The following LRP6 variants were observed in gnomAD, a reference collection of about 807,000 sequenced individuals.
LRP6 encodes the protein low-density lipoprotein receptor-related protein 6.
LRP6 carries 43 observed loss-of-function variants against 184.1 expected under a neutral mutation model. The observed-to-expected ratio is 0.23, with a 90% CI of 0.18 to 0.30. The LOEUF (loss-of-function observed/expected upper bound fraction) is 0.30, where lower values mean the gene tolerates loss of function less well. LRP6 is among the 10% of genes least tolerant of loss of function. The pLI is 1.00. For synonymous variants in LRP6, 719 were observed against 684.9 expected (o/e 1.05, Z -0.78); for missense variants, 1,571 against 2,005.3 (o/e 0.78, Z 4.14).
intron 3 of LRP6, among the ~76,000 whole-genome samples, chr12:12,190,319 G>A (rs949236638): frequency 6.6e-6 from 1 of 152,176 alleles, no homozygotes; most frequent in Non-Finnish European, 1.5e-5. Context: ...CAAGCTGGCA[G>A]GTAAGATCCA....
At chr12:12,253,531 G>C (rs915917600) in intron 1 of LRP6, among the ~76,000 whole-genome samples, 5 of 151,446 alleles carry the variant, frequency 3.3e-5, no homozygotes, top group African/African-American at 7.3e-5. Flanking sequence ...CCCATTAACT[G>C]GTCATTTACA....
chr12:12,250,483 C>CT (rs58190351), intron 1 of LRP6, among the ~76,000 whole-genome samples: 179 of 145,968 alleles, frequency 1.2e-3, no homozygotes, highest in Middle Eastern at 3.5e-3. Context: ...ATGATATTAG[C>CT]TTTTTTTTTT....
chr12:12,258,575 G>T (rs147102139), intron 1 of LRP6, among the ~76,000 whole-genome samples: 2 of 152,282 alleles, frequency 1.3e-5, no homozygotes, highest in African/African-American at 4.8e-5. Context: ...GGTACATGGT[G>T]CATATAAAGG....
At chr12:12,201,475 G>A (rs1394429888) in intron 3 of LRP6, among the ~76,000 whole-genome samples, 2 of 152,150 alleles carry the variant, frequency 1.3e-5, no homozygotes, top group African/African-American at 4.8e-5. Flanking sequence ...GCAAATAGCT[G>A]TGGCTATTTT....
intron 3 of LRP6, among the ~76,000 whole-genome samples, chr12:12,201,316 T>G (rs965757508): frequency 6.6e-6 from 1 of 152,188 alleles, no homozygotes; most frequent in Non-Finnish European, 1.5e-5. Context: ...ATTTCAGTAG[T>G]TCCATTTTGA....
In LRP6 at chr12:12,266,689, A is replaced by G. The variant is rs748677743; in HGVS notation, c.47T>C (p.Leu16Pro). Residue 16 changes from leucine to proline, a missense_variant, in exon 1 of 23, where the codon CTC becomes CCC. Transcript: ENST00000261349. ...GCCCCCACTCTTCCCACCTCTCAGG[A>G]GCACACAGAAGCTGCAGGCCAGGAG... Reference protein sequence around the residue: ...RSLLACSFCVLLRAAPLLLYA... With the variant: ...RSLLACSFCVPLRAAPLLLYA... 1 of 1,612,504 alleles carries G rather than the reference A, an allele frequency of 6.2e-7. No homozygotes were observed. The highest frequency in any genetic ancestry group is 1.1e-5 in the South Asian group (1 of 90,890).
intron 15 of LRP6, among the ~76,000 whole-genome samples, chr12:12,142,811 T>C (rs191318838): frequency 6.6e-6 from 1 of 152,188 alleles, no homozygotes; most frequent in Admixed American, 6.5e-5. Context: ...AGTAAGTAAA[T>C]TCCTTAATTT....
chr12:12,226,955 A>G (rs1302389994), intron 2 of LRP6, among the ~76,000 whole-genome samples: 1 of 152,182 alleles, frequency 6.6e-6, no homozygotes, highest in Admixed American at 6.5e-5. Context: ...ACAAGCGGGA[A>G]AAGGCAAAAC....
intron 1 of LRP6, among the ~76,000 whole-genome samples, chr12:12,253,285 G>C (rs866751753): frequency 6.6e-6 from 1 of 151,888 alleles, no homozygotes; most frequent in Non-Finnish European, 1.5e-5. Flanking sequence ...ATAAAATAAA[G>C]TTAATCATTA....
In LRP6 at chr12:12,120,106, C is replaced by T. The variant is rs1016123325; in HGVS notation, c.*1020G>A. 8.6e-5 allele frequency: 12 copies of T among 139,710 alleles called. No individual in the cohort carries two copies. Among genetic ancestry groups the T allele is most frequent in the African/African-American group, 3.2e-4 (12 of 37,430 alleles). The allele number at this position is 139,710 out of a possible 1,614,324, so 8.7% of individuals were successfully genotyped here. On this transcript the variant is annotated 3_prime_UTR_variant, in exon 23 of 23. Coordinates refer to ENST00000261349, the MANE Select transcript of LRP6 (RefSeq NM_002336.3). ...AAGGATATGAGATTTACAACAAAAACATAATGGTTAAATTTTTAATTCTTA... is the reference window on the plus strand; with the variant it reads ...AAGGATATGAGATTTACAACAAAAATATAATGGTTAAATTTTTAATTCTTA...
intron 9 of LRP6, 123 bp from the exon 10 acceptor site, chr12:12,162,542 C>A: frequency 1.3e-6 from 1 of 770,676 alleles, no homozygotes; most frequent in Non-Finnish European, 2.3e-6. Context: ...CATACTATTT[C>A]CTATTAAAAT....
intron 17 of LRP6, among the ~76,000 whole-genome samples, chr12:12,132,986 A>G (rs1425897465): frequency 6.6e-6 from 1 of 152,250 alleles, no homozygotes; most frequent in Non-Finnish European, 1.5e-5. Context: ...CATAGGTCAG[A>G]AAACCCTGTA....
At chr12:12,209,002 C>T (rs1864139282) in intron 2 of LRP6, among the ~76,000 whole-genome samples, 1 of 152,178 alleles carries the variant, frequency 6.6e-6, no homozygotes, top group South Asian at 2.1e-4. Context: ...ATGAAAACTA[C>T]CAGTATCTTT....
At chr12:12,235,093 T>A (rs11054738) in intron 2 of LRP6, among the ~76,000 whole-genome samples, 22,695 of 152,132 alleles carry the variant, frequency 0.15, 1,895 homozygotes, top group Non-Finnish European at 0.19. Context: ...GTTAGGAACA[T>A]GTCAATTGTT....
intron 1 of LRP6, among the ~76,000 whole-genome samples, chr12:12,251,524 C>T (rs1865325728): frequency 6.6e-6 from 1 of 151,884 alleles, no homozygotes; most frequent in Non-Finnish European, 1.5e-5. Flanking sequence ...CCACCACGCA[C>T]GGCTAATTTT....
intron 7 of LRP6, among the ~76,000 whole-genome samples, chr12:12,165,908 G>A (rs1375413390): frequency 1.3e-5 from 2 of 152,038 alleles, no homozygotes; most frequent in African/African-American, 2.4e-5. Flanking sequence ...CACCCTCTCT[G>A]CATCTAAGTT....
At chr12:12,230,209 T>C (rs1340098199) in intron 2 of LRP6, among the ~76,000 whole-genome samples, 2 of 152,104 alleles carry the variant, frequency 1.3e-5, no homozygotes, top group Non-Finnish European at 2.9e-5. Flanking sequence ...GCCAGGAAAA[T>C]AAAAATATCT....
rs539792122 is a variant in LRP6, at chr12:12,246,620, C to T, written c.56-1965G>A. 9.9e-5 allele frequency among the ~76,000 whole-genome samples: 15 copies of T among 151,342 alleles called. No homozygotes were observed. The East Asian group carries it at 2.7e-3, about 28-fold the overall frequency. ...ACTAAAATGGGAGGGTCACTTGAGC[C>T]CAGGAATTTAAGGCTGCAGTGAGCC... On this transcript the variant is annotated intron_variant, in intron 1 of 22. Coordinates refer to ENST00000261349, the MANE Select transcript of LRP6 (RefSeq NM_002336.3).
At chr12:12,149,716 C>T (rs1328822577) in intron 13 of LRP6, among the ~76,000 whole-genome samples, 1 of 152,188 alleles carries the variant, frequency 6.6e-6, no homozygotes, top group Non-Finnish European at 1.5e-5. Flanking sequence ...AGAAACCCTG[C>T]TCTAGAGATA....
Sources: gnomAD v4.1 joint callset for allele counts (sites outside exome capture counted in the v4.1 genomes callset) on GRCh38, gnomAD v4.1.1 for gene constraint, MANE v1.5 for transcripts, NCBI Gene and HGNC (gene_info 2026-07-23, HGNC 2026-07-21) for gene names.